The following ITPR2 variants were observed in gnomAD, a reference collection of about 807,000 sequenced individuals.
ITPR2 encodes inositol 1,4,5-trisphosphate-gated calcium channel ITPR2.
Under a neutral mutation model 317.1 loss-of-function variants are expected in ITPR2, and 207 were observed. The observed-to-expected ratio is 0.65, with a 90% CI of 0.58 to 0.73. The LOEUF is 0.73. ITPR2 is among the 30% of genes least tolerant of loss of function. ITPR2 has a pLI of 0.00. For synonymous variants in ITPR2, 1,156 were observed against 1,149.1 expected (o/e 1.01, Z -0.12); for missense variants, 2,613 against 3,284.0 (o/e 0.80, Z 4.99).
Position 26,577,261 on chromosome 12 carries a change from A to G in ITPR2, c.4630+1452T>C, listed in dbSNP as rs963415582. Among the ~76,000 whole-genome samples the G allele has an allele frequency of 6.6e-5, 10 of 152,224 alleles. No homozygotes were observed. The South Asian group carries it at 2.1e-3, about 32-fold the overall frequency. On this transcript the variant is annotated intron_variant, in intron 34 of 56. Coordinates refer to ENST00000381340, the MANE Select transcript of ITPR2 (RefSeq NM_002223.4). ...GTAGCAGAGGCCAAGCTGCAAAAGGACAGCATCCTTGTGGGGTGTGGCCCA... is the reference window on the plus strand; with the variant it reads ...GTAGCAGAGGCCAAGCTGCAAAAGGGCAGCATCCTTGTGGGGTGTGGCCCA...
chr12:26,619,649 G>A (rs1436390389), intron 26 of ITPR2, among the ~76,000 whole-genome samples: 4 of 152,056 alleles, frequency 2.6e-5, no homozygotes, highest in African/African-American at 4.8e-5. Context: ...CCATGATGCC[G>A]TCAGGAGAAA....
chr12:26,680,722 T>C (rs7968535), intron 13 of ITPR2, among the ~76,000 whole-genome samples: 28,285 of 152,182 alleles, frequency 0.19, 3,567 homozygotes, highest in East Asian at 0.56. Context: ...CAAAACTGTA[T>C]TCTGTTGTAT....
chr12:26,531,667 A>ACT (rs1943947528), intron 37 of ITPR2, among the ~76,000 whole-genome samples: 1 of 151,150 alleles, frequency 6.6e-6, no homozygotes, highest in Non-Finnish European at 1.5e-5. Flanking sequence ...ACACACACAC[A>ACT]CACACACACA....
In ITPR2 at chr12:26,551,478, G is replaced by A. The variant is rs1259156589; in HGVS notation, c.4965-1123C>T. Among the ~76,000 whole-genome samples the A allele has an allele frequency of 2.6e-5, 4 of 152,242 alleles. No homozygotes were observed. In the East Asian group the frequency reaches 7.7e-4, roughly 29 times the overall value. ...AGCGAAAATTCTTAAGAACGACTCT[G>A]TGGTGACAGGACTCAGGTCACTGAT... On this transcript the variant is annotated intron_variant, in intron 36 of 56. Transcript: ENST00000381340.
intron 2 of ITPR2, among the ~76,000 whole-genome samples, chr12:26,776,821 G>A (rs1430203343): frequency 1.3e-5 from 2 of 152,162 alleles, no homozygotes; most frequent in Non-Finnish European, 2.9e-5. Context: ...ATTCTCCTCA[G>A]GAGCCATCCT....
At position 26,818,318 on chromosome 12, in the gene ITPR2, CT is replaced by C. The variant is rs551944140; in HGVS notation, c.92+14371del. On this transcript the variant is annotated intron_variant, in intron 1 of 56. Transcript: ENST00000381340. ...AGATTCTCCAATTCTTAAGAAAGTGCTTTTACATTTGCAATGTGATAATACT... is the reference window on the plus strand; with the variant it reads ...AGATTCTCCAATTCTTAAGAAAGTGCTTTACATTTGCAATGTGATAATACT... Among the ~76,000 whole-genome samples, 228 of 152,296 alleles carry C rather than the reference CT, an allele frequency of 1.5e-3. 2 individuals are homozygous for C. The highest frequency in any genetic ancestry group is 5.4e-3 in the African/African-American group (223 of 41,570).
rs765652743 is a variant in ITPR2 at position 26,602,597 on chromosome 12, A to G, written c.3552+20T>C. ...GCATGCAAATATAAACCTATATAAG[A>G]ATATTTTGTATCTGCCGACCTCCTT... On this transcript the variant is annotated intron_variant, in intron 27 of 56. Transcript: ENST00000381340. 3 of 1,588,794 alleles carry G rather than the reference A, an allele frequency of 1.9e-6. No homozygotes were observed. Among genetic ancestry groups the G allele is most frequent in the Non-Finnish European group, 2.6e-6 (3 of 1,158,612 alleles).
intron 55 of ITPR2, among the ~76,000 whole-genome samples, chr12:26,361,140 A>G (rs894155958): frequency 3.3e-5 from 5 of 151,574 alleles, no homozygotes; most frequent in African/African-American, 1.2e-4. Context: ...ACTTGAACCC[A>G]GGAGGCGGAG....
chr12:26,813,062 C>A (rs1950784124), intron 1 of ITPR2, among the ~76,000 whole-genome samples: 1 of 152,008 alleles, frequency 6.6e-6, no homozygotes. Flanking sequence ...TTTGACTTTT[C>A]AAAAAAGTTA....
At chr12:26,618,366 A>T (rs1011517055) in intron 26 of ITPR2, among the ~76,000 whole-genome samples, 4 of 152,232 alleles carry the variant, frequency 2.6e-5, no homozygotes, top group African/African-American at 9.6e-5. Flanking sequence ...AATCGGTAGG[A>T]CTTAACTATT....
chr12:26,595,879 C>T (rs1252852054), intron 31 of ITPR2, among the ~76,000 whole-genome samples: 1 of 152,056 alleles, frequency 6.6e-6, no homozygotes, highest in Non-Finnish European at 1.5e-5. Context: ...CAAAAGCAAC[C>T]TCTCCTTCCT....
chr12:26,790,307 A>T, intron 1 of ITPR2, 80 bp from the exon 2 acceptor site: 1 of 1,082,916 alleles, frequency 9.2e-7, no homozygotes, highest in South Asian at 1.3e-5. Context: ...TATTGCATAA[A>T]TATTTACCAA....
chr12:26,641,417 TAGAA>T (rs1266586567), intron 21 of ITPR2, among the ~76,000 whole-genome samples: 1 of 148,746 alleles, frequency 6.7e-6, no homozygotes. Context: ...AAAATAATAA[TAGAA>T]AGAATATCAA....
intron 2 of ITPR2, among the ~76,000 whole-genome samples, chr12:26,727,043 T>A (rs1045330136): frequency 2.0e-5 from 3 of 152,128 alleles, no homozygotes; most frequent in Admixed American, 6.6e-5. Context: ...ACCTTCAAAC[T>A]GCTAAAAGTA....
intron 32 of ITPR2, among the ~76,000 whole-genome samples, chr12:26,584,808 G>T (rs1181007180): frequency 1.3e-5 from 2 of 152,204 alleles, no homozygotes; most frequent in East Asian, 3.8e-4. Context: ...TCTAGAGCCA[G>T]TCACATACTT....
chr12:26,419,460 G>T, intron 49 of ITPR2: 1 of 337,688 alleles, frequency 3.0e-6, no homozygotes, highest in Non-Finnish European at 5.5e-6. Flanking sequence ...TGCAAAACTT[G>T]CATCCTTTGC....
rs1417959309 is a variant in ITPR2 at position 26,474,692 on chromosome 12, G to A, written c.6342+604C>T. Among the ~76,000 whole-genome samples the A allele has an allele frequency of 2.7e-5, 4 of 149,672 alleles. No homozygotes were observed. In the East Asian group the frequency reaches 7.8e-4, roughly 29 times the overall value. Reference sequence around the variant, plus strand: ...GCCTGTAGTCCCAGCTACTTGGGAGGCTGAGGCAGGAGAATGGCGTGAACC... The same window carrying A: ...GCCTGTAGTCCCAGCTACTTGGGAGACTGAGGCAGGAGAATGGCGTGAACC... On this transcript the variant is annotated intron_variant, in intron 45 of 56. Coordinates refer to ENST00000381340, the MANE Select transcript of ITPR2 (RefSeq NM_002223.4).
At chr12:26,580,839 A>ATT (rs1945387950) in intron 32 of ITPR2, among the ~76,000 whole-genome samples, 1 of 152,228 alleles carries the variant, frequency 6.6e-6, no homozygotes, top group Non-Finnish European at 1.5e-5. Flanking sequence ...GAAATGAGGC[A>ATT]GTAATTGGTC....
intron 37 of ITPR2, among the ~76,000 whole-genome samples, chr12:26,524,179 C>T (rs952110393): frequency 6.3e-5 from 8 of 126,728 alleles, no homozygotes; most frequent in Admixed American, 7.3e-5. Flanking sequence ...ATTTTTCAAA[C>T]GAATAAGGCT....
Sources: gnomAD v4.1 joint callset for allele counts (sites outside exome capture counted in the v4.1 genomes callset) on GRCh38, gnomAD v4.1.1 for gene constraint, MANE v1.5 for transcripts, NCBI Gene and HGNC (gene_info 2026-07-23, HGNC 2026-07-21) for gene names.